Variants in FKTN observed in about 807,000 individuals in gnomAD.
The protein encoded by FKTN is fukutin.
A neutral mutation model predicts 58.6 loss-of-function variants in FKTN; 47 were observed. The observed-to-expected ratio is 0.80, with a 90% CI of 0.63 to 1.02. The LOEUF (loss-of-function observed/expected upper bound fraction) is 1.02, where lower values mean the gene tolerates loss of function less well. Among genes scored for constraint, FKTN ranks in the 50% least tolerant of loss-of-function variants. The pLI is 0.00. For missense variants in FKTN, 516 were observed against 537.3 expected, an observed-to-expected ratio of 0.96 and a Z score of 0.39; for synonymous variants, 178 against 191.9, an observed-to-expected ratio of 0.93 and a Z score of 0.60.
At chr9:105,615,951 T>C (rs1830731949) in intron 8 of FKTN, among the ~76,000 whole-genome samples, 1 of 152,236 alleles carries the variant, frequency 6.6e-6, no homozygotes, top group Non-Finnish European at 1.5e-5. Context: ...TGGTGTGAGA[T>C]GATAAAATGC....
At chr9:105,567,599 T>C (rs184663524) in intron 1 of FKTN, among the ~76,000 whole-genome samples, 25 of 152,282 alleles carry the variant, frequency 1.6e-4, no homozygotes, top group Admixed American at 2.0e-4. Flanking sequence ...GTGAAGGACC[T>C]CTTTAAGGAG....
chr9:105,619,874 A>C, intron 9 of FKTN, 60 bp from the exon 10 acceptor site: 1 of 1,430,310 alleles, frequency 7.0e-7, no homozygotes, highest in Non-Finnish European at 9.7e-7. Flanking sequence ...TTTTAAAAAA[A>C]GGTTTTTAAA....
chr9:105,570,384 T>C (rs1241096387), intron 1 of FKTN, among the ~76,000 whole-genome samples: 3 of 152,214 alleles, frequency 2.0e-5, no homozygotes, highest in African/African-American at 7.2e-5. Context: ...TAGTTGCCTC[T>C]CCTTGTGCTT....
chr9:105,606,792 G>A (rs1215082908), intron 6 of FKTN, among the ~76,000 whole-genome samples: 1 of 151,002 alleles, frequency 6.6e-6, no homozygotes. Flanking sequence ...AAAGGTATTC[G>A]AAACTGAAGT....
intron 3 of FKTN, among the ~76,000 whole-genome samples, chr9:105,586,951 G>A (rs1466145832): frequency 2.6e-5 from 4 of 152,126 alleles, no homozygotes; most frequent in East Asian, 1.9e-4. Context: ...TGCCAATCAG[G>A]TCCTAAAACT....
rs578112761 is a variant in FKTN, at chr9:105,632,535, G to A, written c.1173-2516G>A. Among the ~76,000 whole-genome samples, 178 of 151,938 alleles carry A rather than the reference G, an allele frequency of 1.2e-3. 2 individuals are homozygous for A. The highest frequency in any genetic ancestry group is 4.2e-3 in the African/African-American group (175 of 41,514). On this transcript the variant is annotated intron_variant, in intron 10 of 10. Coordinates refer to ENST00000357998, the MANE Select transcript of FKTN (RefSeq NM_001079802.2). ...AGCCTAGTAATAATAAAACACTGTT[G>A]GTTCTGGGATAGTGGAAGAACTTCC...
intron 9 of FKTN, 96 bp from the exon 10 acceptor site, chr9:105,619,838 T>G (rs781004059): frequency 2.7e-5 from 32 of 1,184,218 alleles, no homozygotes; most frequent in Non-Finnish European, 3.7e-5. Context: ...ATGTAAAACT[T>G]AAGAATCTGT....
chr9:105,581,837 C>T (rs987512893), intron 3 of FKTN, among the ~76,000 whole-genome samples: 2 of 152,194 alleles, frequency 1.3e-5, no homozygotes, highest in African/African-American at 4.8e-5. Flanking sequence ...GGCGTAGGAC[C>T]CTCCGAGCCA....
intron 3 of FKTN, among the ~76,000 whole-genome samples, chr9:105,581,479 G>A (rs954836791): frequency 4.1e-4 from 62 of 150,656 alleles, no homozygotes; most frequent in African/African-American, 8.2e-4. Context: ...TAGGCTGCTC[G>A]GGGGTCAGGG....
Position 105,638,202 on chromosome 9 carries a change from A to G in FKTN, c.*2938A>G, listed in dbSNP as rs949066495. ...AGTCCAATGTCTGTTTCGCATCACA[A>G]CACAGTATCTTTAACAGTGCTTGAG... On this transcript the variant is annotated 3_prime_UTR_variant, in exon 11 of 11. Coordinates refer to ENST00000357998, the MANE Select transcript of FKTN (RefSeq NM_001079802.2). The G allele has an allele frequency of 1.0e-6, 1 of 985,480 alleles. No individual in the cohort carries two copies. The highest frequency in any genetic ancestry group is 1.2e-6 in the Non-Finnish European group (1 of 829,944). 61.0% of individuals were successfully genotyped at this position (985,480 alleles called of 1,614,324 possible). A position where few individuals can be genotyped will look rare whatever the true frequency, so the allele number is the denominator to read the frequency against.
chr9:105,561,518 T>C (rs1838304172), intron 1 of FKTN, among the ~76,000 whole-genome samples: 1 of 152,230 alleles, frequency 6.6e-6, no homozygotes, highest in Non-Finnish European at 1.5e-5. Context: ...TGTCTTCACC[T>C]TCCTTCCTGC....
intron 3 of FKTN, among the ~76,000 whole-genome samples, chr9:105,584,843 G>A (rs185900319): frequency 6.6e-6 from 1 of 151,944 alleles, no homozygotes; most frequent in African/African-American, 2.4e-5. Flanking sequence ...TTAACATATG[G>A]AAATTATATT....
intron 1 of FKTN, among the ~76,000 whole-genome samples, chr9:105,562,169 T>C (rs2518117): frequency 0.16 from 24,123 of 152,286 alleles, 2,057 homozygotes; most frequent in Admixed American, 0.25. Context: ...TCACTGAGAC[T>C]GTGCTACTGC....
chr9:105,592,376 T>C (rs935115378), intron 3 of FKTN, among the ~76,000 whole-genome samples: 13 of 152,298 alleles, frequency 8.5e-5, no homozygotes, highest in African/African-American at 3.1e-4. Flanking sequence ...TGGTGGCTCA[T>C]GCCTATAATC....
intron 1 of FKTN, among the ~76,000 whole-genome samples, chr9:105,561,947 A>G (rs1212282551): frequency 6.8e-6 from 1 of 147,828 alleles, no homozygotes; most frequent in Non-Finnish European, 1.5e-5. Flanking sequence ...TTTTGGTCTG[A>G]CCTCTGAATT....
intron 1 of FKTN, among the ~76,000 whole-genome samples, 184 bp downstream of exon 1, chr9:105,558,349 C>G (rs564550755): frequency 6.6e-6 from 1 of 152,242 alleles, no homozygotes; most frequent in Non-Finnish European, 1.5e-5. Flanking sequence ...AGTCAGTCCA[C>G]GAGCATCGCG....
chr9:105,594,977 G>A (rs762546020), intron 3 of FKTN, among the ~76,000 whole-genome samples: 3 of 152,146 alleles, frequency 2.0e-5, no homozygotes, highest in Non-Finnish European at 2.9e-5. Context: ...ACTAATGAAT[G>A]AATATACAAT....
At chr9:105,579,233 C>T (rs1217150252) in intron 3 of FKTN, among the ~76,000 whole-genome samples, 1 of 152,094 alleles carries the variant, frequency 6.6e-6, no homozygotes, top group Non-Finnish European at 1.5e-5. Context: ...GCTCTTGCTT[C>T]TCTAGTTCTC....
intron 1 of FKTN, among the ~76,000 whole-genome samples, chr9:105,567,129 GT>G (rs1839799818): frequency 6.6e-6 from 1 of 152,110 alleles, no homozygotes; most frequent in Non-Finnish European, 1.5e-5. Context: ...AATAAATTAG[GT>G]ATTGATGGGA....
Sources: allele counts gnomAD v4.1 joint callset (sites outside exome capture counted in the v4.1 genomes callset), GRCh38; gene constraint gnomAD v4.1.1; transcripts MANE v1.5; gene names NCBI Gene and HGNC (gene_info 2026-07-23, HGNC 2026-07-21).